CYTH3: variants seen among roughly 807,000 people sequenced by gnomAD.
CYTH3 encodes cytohesin-3.
In CYTH3, 23 loss-of-function variants were observed where a neutral mutation model predicts 55.1. The ratio of observed to expected loss-of-function variants is 0.42; its 90% CI spans 0.30 to 0.59. The LOEUF is 0.59. CYTH3 is among the 20% of genes least tolerant of loss of function. The probability of loss-of-function intolerance (pLI) is 0.20; values close to 1 mark genes in which losing one functional copy is unlikely to be tolerated. For missense variants in CYTH3, 413 were observed against 524.8 expected, an observed-to-expected ratio of 0.79 and a Z score of 2.08; for synonymous variants, 249 against 194.9, an observed-to-expected ratio of 1.28 and a Z score of -2.31.
Position 6,171,091 on chromosome 7 carries a change from A to G in CYTH3, c.562+111T>C. 2 of 1,582,312 alleles carry G rather than the reference A, an allele frequency of 1.3e-6. No individual in the cohort carries two copies. The highest frequency in any genetic ancestry group is 1.7e-6 in the Non-Finnish European group (2 of 1,156,054). ...CCCGGCCCACAGGTCGTCCTCGCTCAGGGAAGGCAGGTCCCCAGGAACACA... is the reference window on the plus strand; with the variant it reads ...CCCGGCCCACAGGTCGTCCTCGCTCGGGGAAGGCAGGTCCCCAGGAACACA... On this transcript the variant is annotated intron_variant, in intron 7 of 12. Coordinates refer to ENST00000350796, the MANE Select transcript of CYTH3 (RefSeq NM_004227.4). The surrounding 1 kb of genome is among the most constrained non-coding windows in gnomAD (Gnocchi z 6.7).
intron 9 of CYTH3, among the ~76,000 whole-genome samples, chr7:6,166,620 A>G (rs933095451): frequency 2.0e-5 from 3 of 152,108 alleles, no homozygotes; most frequent in Admixed American, 6.5e-5. Context: ...GGCTCTGTGG[A>G]TGGATCACCA....
chr7:6,176,399 A>C lies in CYTH3; in HGVS notation c.368+1424T>G, dbSNP rs545883333. Among the ~76,000 whole-genome samples, 75 of 151,382 alleles carry C rather than the reference A, an allele frequency of 5.0e-4. 1 individual carries two copies. The highest frequency in any genetic ancestry group is 1.7e-3 in the African/African-American group (70 of 41,234). Reference sequence around the variant, plus strand: ...GCCTCAGCCTCTTGCATAGCTGAGAATACAGGCGCCCACCACCACACCCAG... The same window carrying C: ...GCCTCAGCCTCTTGCATAGCTGAGACTACAGGCGCCCACCACCACACCCAG... On this transcript the variant is annotated intron_variant, in intron 5 of 12. Transcript: ENST00000350796.
At chr7:6,252,326 T>G (rs1779993042) in intron 1 of CYTH3, among the ~76,000 whole-genome samples, 1 of 152,248 alleles carries the variant, frequency 6.6e-6, no homozygotes, top group African/African-American at 2.4e-5. Context: ...TCTCATGCTT[T>G]ACTATTTTCT....
At chr7:6,214,212 G>C (rs1048206445) in intron 1 of CYTH3, among the ~76,000 whole-genome samples, 1 of 152,070 alleles carries the variant, frequency 6.6e-6, no homozygotes, top group Non-Finnish European at 1.5e-5. Flanking sequence ...ACAGTGAAAG[G>C]TTAATCGTGG....
chr7:6,184,049 C>CTTTTTTTTTTT, intron 4 of CYTH3, among the ~76,000 whole-genome samples: 1 of 46,376 alleles, frequency 2.2e-5, no homozygotes, highest in Non-Finnish European at 3.9e-5. Flanking sequence ...CCCTCTGTGG[C>CTTTTTTTTTTT]TTTTTTTTTT....
rs576529836 is a variant in CYTH3, at chr7:6,246,249, A to T, written c.34+26225T>A. Among the ~76,000 whole-genome samples, 853 of 148,784 alleles carry T rather than the reference A, an allele frequency of 5.7e-3. 5 individuals are homozygous for T. Among genetic ancestry groups the T allele is most frequent in the South Asian group, 0.022 (102 of 4,686 alleles). On this transcript the variant is annotated intron_variant, in intron 1 of 12. Transcript: ENST00000350796. ...CCTGGATAATTTTTTTTTTTTTTTT[A>T]AAAGAGACAGGGGTCTCACTTTGCT... is the stretch of plus-strand genomic sequence containing the variant.
intron 1 of CYTH3, among the ~76,000 whole-genome samples, chr7:6,247,913 C>T (rs1261863140): frequency 1.3e-5 from 2 of 151,974 alleles, no homozygotes; most frequent in Non-Finnish European, 2.9e-5. Context: ...GTGATCCCCC[C>T]ATCTCAGCCT....
chr7:6,187,674 T>C lies in CYTH3; in HGVS notation c.165A>G (p.Leu55=). Residue 55 remains leucine (L), a synonymous_variant, in exon 3 of 13, where the codon CTA becomes CTG. Transcript: ENST00000350796. ...IAEVMTEIDN[L]TSVEESKTTQ... Reference sequence around the variant, plus strand: ...ATTGTTACCTCTCCTCTACGGAAGTTAGATTGTCGATCTCTGTCATCACCT... The same window carrying C: ...ATTGTTACCTCTCCTCTACGGAAGTCAGATTGTCGATCTCTGTCATCACCT... 6.2e-7 allele frequency: 1 copy of C among 1,614,064 alleles called. No individual in the cohort carries two copies. The highest frequency in any genetic ancestry group is 8.5e-7 in the Non-Finnish European group (1 of 1,179,902).
intron 4 of CYTH3, among the ~76,000 whole-genome samples, chr7:6,183,722 C>T (rs1278577139): frequency 3.3e-5 from 5 of 152,100 alleles, no homozygotes; most frequent in South Asian, 2.1e-4. Flanking sequence ...CAGCTGTGAA[C>T]GAAATGTCCG....
At position 6,187,678 on chromosome 7, in the gene CYTH3, T is replaced by C. The variant is rs756445114; in HGVS notation, c.161A>G (p.Asn54Ser). ...TTACCTCTCCTCTACGGAAGTTAGA[T>C]TGTCGATCTCTGTCATCACCTCTGC... is the stretch of plus-strand genomic sequence containing the variant. The part of the protein sequence containing the change: ...EIAEVMTEID[N>S]LTSVEESKTT... Residue 54 changes from asparagine to serine, a missense_variant, in exon 3 of 13, where the codon AAT (asparagine) becomes AGT (serine). By Grantham distance (46) the Asn-to-Ser change is conservative. This residue lies in a region of CYTH3 where 152 missense variants were observed against 148.1 expected (regional missense o/e 1.03). Transcript: ENST00000350796. 7.4e-6 allele frequency: 12 copies of C among 1,613,968 alleles called. No individual in the cohort carries two copies. Among genetic ancestry groups the C allele is most frequent in the Middle Eastern group, 1.6e-4 (1 of 6,084 alleles).
At chr7:6,175,542 A>G (rs1477740926) in intron 5 of CYTH3, among the ~76,000 whole-genome samples, 6 of 112,322 alleles carry the variant, frequency 5.3e-5, no homozygotes, top group African/African-American at 2.1e-4. Flanking sequence ...TATACACTTT[A>G]GTCTTTTTTT....
chr7:6,260,622 C>T (rs1046514593), intron 1 of CYTH3, among the ~76,000 whole-genome samples: 7 of 152,138 alleles, frequency 4.6e-5, no homozygotes, highest in African/African-American at 1.4e-4. Flanking sequence ...GTAGACATGT[C>T]CCCATCCCCA....
chr7:6,206,984 T>C (rs551798586), intron 1 of CYTH3, among the ~76,000 whole-genome samples: 40 of 152,156 alleles, frequency 2.6e-4, no homozygotes, highest in African/African-American at 8.9e-4. Flanking sequence ...AAGTAAACCA[T>C]TATTTTTATG....
chr7:6,228,773 A>T (rs995481860), intron 1 of CYTH3, among the ~76,000 whole-genome samples: 1 of 152,234 alleles, frequency 6.6e-6, no homozygotes, highest in African/African-American at 2.4e-5. Flanking sequence ...TGTGTTTTTA[A>T]GAATGTAAAA....
intron 1 of CYTH3, among the ~76,000 whole-genome samples, chr7:6,231,586 A>G (rs1779392292): frequency 6.6e-6 from 1 of 152,244 alleles, no homozygotes; most frequent in South Asian, 2.1e-4. Flanking sequence ...GTATGTATCA[A>G]ACCAGTGTGC....
At chr7:6,272,410 G>GGGGGGGGGGGC in intron 1 of CYTH3, 64 bp downstream of exon 1, 26 of 1,216,560 alleles carry the variant, frequency 2.1e-5, no homozygotes, top group East Asian at 3.8e-5. Flanking sequence ...CCGCGCCCTC[G>GGGGGGGGGGGC]ACCCCCAGCC....
At position 6,162,139 on chromosome 7, in the gene CYTH3, A is replaced by G. The variant is rs1016974470; in HGVS notation, c.*2805T>C. On this transcript the variant is annotated 3_prime_UTR_variant, in exon 13 of 13. Coordinates refer to ENST00000350796, the MANE Select transcript of CYTH3 (RefSeq NM_004227.4). Reference sequence around the variant, plus strand: ...TCTATGAAGCACTAAGTGCTGCTCCATCTATAAATAGCTCCTATTTTCAGT... The same window carrying G: ...TCTATGAAGCACTAAGTGCTGCTCCGTCTATAAATAGCTCCTATTTTCAGT... 8 of 152,634 alleles carry G rather than the reference A, an allele frequency of 5.2e-5. No homozygotes were observed. The highest frequency in any genetic ancestry group is 1.9e-4 in the African/African-American group (8 of 41,464). 9.5% of individuals were successfully genotyped at this position (152,634 alleles called of 1,614,324 possible). A position where few individuals can be genotyped will look rare whatever the true frequency, so the allele number is the denominator to read the frequency against.
chr7:6,245,557 C>A (rs538745053), intron 1 of CYTH3, among the ~76,000 whole-genome samples: 1 of 152,298 alleles, frequency 6.6e-6, no homozygotes, highest in East Asian at 1.9e-4. Context: ...CCAGCCACCA[C>A]CCAAGCGTTT....
intron 1 of CYTH3, among the ~76,000 whole-genome samples, chr7:6,194,871 A>T (rs1583771503): frequency 6.6e-6 from 1 of 152,146 alleles, no homozygotes; most frequent in Non-Finnish European, 1.5e-5. Context: ...GCTACTCGGG[A>T]GGCTGAGGCG....
Sources: gnomAD v4.1 joint callset for allele counts (sites outside exome capture counted in the v4.1 genomes callset) on GRCh38, gnomAD v4.1.1 for gene constraint, gnomAD v4.1.1 regional missense constraint, Gnocchi (gnomAD v3.1) non-coding constraint, MANE v1.5 for transcripts, NCBI Gene and HGNC (gene_info 2026-07-23, HGNC 2026-07-21) for gene names.